Variants in SGK3 observed in about 807,000 individuals in gnomAD.
SGK3 encodes serum/glucocorticoid regulated kinase family member 3, also known as serine/threonine-protein kinase Sgk3.
A neutral mutation model predicts 68.5 loss-of-function variants in SGK3; 47 were observed. The observed-to-expected ratio is 0.69, with a 90% confidence interval of 0.54 to 0.87. SGK3 has a LOEUF of 0.87. Ranked by LOEUF, SGK3 falls within the 40% of genes least tolerant of loss-of-function variation. The probability of loss-of-function intolerance (pLI) is 0.00; values close to 1 mark genes in which losing one functional copy is unlikely to be tolerated. For missense variants in SGK3, 479 were observed against 575.5 expected, an observed-to-expected ratio of 0.83 and a Z score of 1.72; for synonymous variants, 181 against 189.1, an observed-to-expected ratio of 0.96 and a Z score of 0.35.
chr8:66,855,328 A>G (rs1563662747), intron 16 of SGK3, among the ~76,000 whole-genome samples: 1 of 152,058 alleles, frequency 6.6e-6, no homozygotes, highest in Non-Finnish European at 1.5e-5. Context: ...TCAGCCTCCC[A>G]AGTAGCTGGG....
At chr8:66,789,979 G>A (rs1172687414) in intron 1 of SGK3, among the ~76,000 whole-genome samples, 4 of 152,140 alleles carry the variant, frequency 2.6e-5, no homozygotes, top group African/African-American at 7.2e-5. Flanking sequence ...TTGGGAGGCT[G>A]AGGTGAGAGG....
intron 1 of SGK3, among the ~76,000 whole-genome samples, chr8:66,763,981 T>C (rs556630359): frequency 1.3e-5 from 2 of 152,266 alleles, no homozygotes; most frequent in South Asian, 2.1e-4. Flanking sequence ...GTGATCCTCC[T>C]ATCTCTCAGC....
In SGK3 at chr8:66,790,665, C is replaced by G. The variant is rs546589522; in HGVS notation, c.-121-2951C>G. 2.0e-5 allele frequency: 3 copies of G among 152,344 alleles called. No homozygotes were observed. In the South Asian group the frequency reaches 6.2e-4, roughly 32 times the overall value. 9.4% of individuals were successfully genotyped at this position (152,344 alleles called of 1,614,324 possible). On this transcript the variant is annotated intron_variant, in intron 1 of 16. Transcript: ENST00000521198. Reference sequence around the variant, plus strand: ...ACAGCCATGGATTTTCTACCCATCTCTTTGGGAATTCACAGCTTTAACTTT... The same window carrying G: ...ACAGCCATGGATTTTCTACCCATCTGTTTGGGAATTCACAGCTTTAACTTT...
chr8:66,756,221 C>G (rs1805968727), intron 1 of SGK3, among the ~76,000 whole-genome samples: 2 of 152,224 alleles, frequency 1.3e-5, no homozygotes, highest in South Asian at 4.1e-4. Context: ...GAGACCAGCT[C>G]TGGTGGCACA....
intron 1 of SGK3, among the ~76,000 whole-genome samples, chr8:66,734,877 G>T: frequency 6.6e-6 from 1 of 151,400 alleles, no homozygotes; most frequent in Non-Finnish European, 1.5e-5. Context: ...AACCCAGGAG[G>T]TGGAGGTTGC....
At chr8:66,744,517 ATATTT>A (rs1426933286) in intron 1 of SGK3, among the ~76,000 whole-genome samples, 2 of 16,824 alleles carry the variant, frequency 1.2e-4, no homozygotes, top group Non-Finnish European at 1.8e-4. Flanking sequence ...ATATATATAT[ATATTT>A]TTTTTTTTTT....
rs1810728052 is a variant in SGK3 at position 66,860,959 on chromosome 8, C to T, written c.*1378C>T. The T allele has an allele frequency of 6.6e-6, 1 of 151,644 alleles. No homozygotes were observed. The highest frequency in any genetic ancestry group is 6.6e-5 in the Admixed American group (1 of 15,204). The allele number at this position is 151,644 out of a possible 1,614,324, so 9.4% of individuals were successfully genotyped here. Reference sequence around the variant, plus strand: ...GCAACATGGCGAAACCCTATCTCTACAAAAAATACAAAAATTAGCCAGACA... The same window carrying T: ...GCAACATGGCGAAACCCTATCTCTATAAAAAATACAAAAATTAGCCAGACA... On this transcript the variant is annotated 3_prime_UTR_variant, in exon 17 of 17. Coordinates refer to ENST00000521198, the MANE Select transcript of SGK3 (RefSeq NM_001033578.3).
intron 8 of SGK3, among the ~76,000 whole-genome samples, chr8:66,833,301 C>G (rs1203409045): frequency 2.0e-5 from 3 of 152,100 alleles, no homozygotes; most frequent in African/African-American, 7.2e-5. Flanking sequence ...CCACTGTGCC[C>G]ACCCTCTTTT....
At chr8:66,779,589 T>TAG in intron 1 of SGK3, among the ~76,000 whole-genome samples, 1 of 127,996 alleles carries the variant, frequency 7.8e-6, no homozygotes, top group East Asian at 2.1e-4. Context: ...TATATATATA[T>TAG]ATATATATAT....
rs1208305737 is a variant in SGK3 at position 66,836,119 on chromosome 8, T to G, written c.741+45T>G. ...TTCTAATGTTAATAGTTTAGAAAAATAGCATAAAGTCAAAGTTTTTCTTGT... is the reference window on the plus strand; with the variant it reads ...TTCTAATGTTAATAGTTTAGAAAAAGAGCATAAAGTCAAAGTTTTTCTTGT... On this transcript the variant is annotated intron_variant, in intron 10 of 16. Transcript: ENST00000521198. 2.6e-6 allele frequency: 4 copies of G among 1,568,452 alleles called. No homozygotes were observed. The Admixed American group carries it at 6.1e-5, about 24-fold the overall frequency.
intron 1 of SGK3, among the ~76,000 whole-genome samples, chr8:66,758,011 TAC>T (rs374764386): frequency 2.2e-3 from 290 of 133,124 alleles, no homozygotes; most frequent in East Asian, 5.5e-3. Flanking sequence ...ACACACACAC[TAC>T]ACACACACAC....
rs572094591 is a variant in SGK3 at position 66,765,929 on chromosome 8, G to T, written c.-121-27687G>T. Among the ~76,000 whole-genome samples the T allele has an allele frequency of 3.3e-4, 50 of 152,012 alleles. No individual in the cohort carries two copies. The South Asian group carries it at 8.5e-3, about 26-fold the overall frequency. Reference sequence around the variant, plus strand: ...AATCCCAGCTACTCAGGAGGCTGAGGCAGGAGAATGGCATGAACCTGGGAG... The same window carrying T: ...AATCCCAGCTACTCAGGAGGCTGAGTCAGGAGAATGGCATGAACCTGGGAG... On this transcript the variant is annotated intron_variant, in intron 1 of 16. Transcript: ENST00000521198.
At chr8:66,803,759 C>G (rs922543446) in intron 3 of SGK3, among the ~76,000 whole-genome samples, 3 of 151,164 alleles carry the variant, frequency 2.0e-5, no homozygotes, top group Non-Finnish European at 4.4e-5. Flanking sequence ...CAGGCTCAAG[C>G]AATCCTCCCA....
chr8:66,790,962 T>C (rs1296182708), intron 1 of SGK3: 1 of 152,242 alleles, frequency 6.6e-6, no homozygotes, highest in Non-Finnish European at 1.5e-5. Context: ...ACCAGTTAAC[T>C]GCATCAGTTA....
At chr8:66,759,793 A>G (rs112348597) in intron 1 of SGK3, among the ~76,000 whole-genome samples, 19,379 of 151,300 alleles carry the variant, frequency 0.13, 2,342 homozygotes, top group African/African-American at 0.32. Flanking sequence ...CTCCCGAGTA[A>G]CCAGGATGGT....
chr8:66,806,180 T>TTTCTCTCTTTCTTTCTTTTTTTTC (rs1808154026), intron 4 of SGK3, among the ~76,000 whole-genome samples: 1 of 152,150 alleles, frequency 6.6e-6, no homozygotes, highest in Non-Finnish European at 1.5e-5. Context: ...GAGTTTTTTT[T>TTTCTCTCTTTCTTTCTTTTTTTTC]TTCTCTCTTT....
chr8:66,774,937 A>G (rs1457926885), intron 1 of SGK3, among the ~76,000 whole-genome samples: 1 of 152,120 alleles, frequency 6.6e-6, no homozygotes, highest in African/African-American at 2.4e-5. Context: ...GTGCCTTCTC[A>G]TTCCTTGCCC....
chr8:66,797,496 C>T (rs887131425), intron 2 of SGK3, among the ~76,000 whole-genome samples: 2 of 152,120 alleles, frequency 1.3e-5, no homozygotes, highest in African/African-American at 4.8e-5. Context: ...GATTACCATC[C>T]TGCAGCTCAT....
At chr8:66,774,875 T>G (rs1806631350) in intron 1 of SGK3, among the ~76,000 whole-genome samples, 1 of 152,064 alleles carries the variant, frequency 6.6e-6, no homozygotes, top group African/African-American at 2.4e-5. Flanking sequence ...GCCAGTGTCT[T>G]GAATGAGCGC....
Sources: gnomAD v4.1 joint callset for allele counts (sites outside exome capture counted in the v4.1 genomes callset) on GRCh38, gnomAD v4.1.1 for gene constraint, MANE v1.5 for transcripts, NCBI Gene and HGNC (gene_info 2026-07-23, HGNC 2026-07-21) for gene names.